CNTN6: variants seen among roughly 807,000 people sequenced by gnomAD.
The protein encoded by CNTN6 is contactin-6.
Under a neutral mutation model 122.8 loss-of-function variants are expected in CNTN6, and 137 were observed. The ratio of observed to expected loss-of-function variants is 1.12; its 90% CI spans 0.97 to 1.29. The LOEUF is 1.29. Among genes scored for constraint, CNTN6 ranks in the 50% most tolerant of loss-of-function variants. The pLI, the probability that CNTN6 is intolerant of heterozygous loss-of-function variation, is 0.00. For synonymous variants in CNTN6, 570 were observed against 426.0 expected (o/e 1.34, Z -4.16); for missense variants, 1,634 against 1,223.4 (o/e 1.34, Z -5.01).
At chr3:1,133,636 C>T (rs1003249771) in intron 1 of CNTN6, among the ~76,000 whole-genome samples, 1 of 148,854 alleles carries the variant, frequency 6.7e-6, no homozygotes, top group Non-Finnish European at 1.5e-5. Flanking sequence ...CAGTCAGTGA[C>T]TTTATTTTCT....
chr3:1,295,741 A>G lies in CNTN6; in HGVS notation c.595A>G (p.Thr199Ala). The change falls in exon 6 of 23, where the codon ACT (threonine) becomes GCT (alanine). Residue 199 changes from threonine to alanine, a missense_variant. Thr to Ala is a moderately conservative substitution (Grantham distance 58). Coordinates refer to ENST00000446702, the MANE Select transcript of CNTN6 (RefSeq NM_001289080.2). ...TGTGGGCAACTACACTTGCTTTATAACTAACAAAGAGGCCCAGAGAAGTGT... is the reference window on the plus strand; with the variant it reads ...TGTGGGCAACTACACTTGCTTTATAGCTAACAAAGAGGCCCAGAGAAGTGT... Reference protein sequence around the residue: ...SDVGNYTCFITNKEAQRSVQG... With the variant: ...SDVGNYTCFIANKEAQRSVQG... 1 of 1,614,082 alleles carries G rather than the reference A, an allele frequency of 6.2e-7. No individual in the cohort carries two copies. The highest frequency in any genetic ancestry group is 8.5e-7 in the Non-Finnish European group (1 of 1,179,940).
intron 17 of CNTN6, among the ~76,000 whole-genome samples, chr3:1,377,560 AT>A (rs1196423997): frequency 5.9e-5 from 9 of 152,116 alleles, no homozygotes; most frequent in African/African-American, 2.2e-4. Context: ...ATACAGGCTC[AT>A]TTTTTTACCT....
At position 1,295,818 on chromosome 3, in the gene CNTN6, T is replaced by A; in HGVS notation, c.658+14T>A. On this transcript the variant is annotated intron_variant, in intron 6 of 22. Transcript: ENST00000446702. ...AGCGCACTGATGGTAAGATAATGAG[T>A]TATCTTGGGAATGTACTTTATCTTT... 6.2e-7 allele frequency: 1 copy of A among 1,605,966 alleles called. No homozygotes were observed. Among genetic ancestry groups the A allele is most frequent in the Non-Finnish European group, 8.5e-7 (1 of 1,173,078 alleles).
chr3:1,401,266 A>G, intron 20 of CNTN6, 167 bp from the exon 21 acceptor site: 1 of 576,146 alleles, frequency 1.7e-6, no homozygotes, highest in Non-Finnish European at 3.1e-6. Context: ...ATTTGAATAA[A>G]TTTGCTTACT....
chr3:1,265,044 CTTTTT>C (rs201949693), intron 4 of CNTN6, among the ~76,000 whole-genome samples: 2 of 100,774 alleles, frequency 2.0e-5, no homozygotes, highest in Admixed American at 1.2e-4. Flanking sequence ...ACCGAATTTC[CTTTTT>C]TTTTTTTTTT....
chr3:1,200,162 T>C (rs1186687932), intron 2 of CNTN6, among the ~76,000 whole-genome samples: 2 of 152,114 alleles, frequency 1.3e-5, no homozygotes, highest in Non-Finnish European at 2.9e-5. Context: ...GTCTCATGAG[T>C]AGGTGGGATT....
At chr3:1,235,622 A>G (rs1350997746) in intron 4 of CNTN6, among the ~76,000 whole-genome samples, 3 of 152,260 alleles carry the variant, frequency 2.0e-5, no homozygotes, top group African/African-American at 7.2e-5. Flanking sequence ...TCCTGCTGGG[A>G]GGGATAGAGC....
chr3:1,223,234 G>T lies in CNTN6; in HGVS notation c.182+2421G>T, dbSNP rs112643750. Reference sequence around the variant, plus strand: ...AACATAAAAGAATCCTTGACTTAAAGTTATCATTTCTAGTCACAGCTCTAT... The same window carrying T: ...AACATAAAAGAATCCTTGACTTAAATTTATCATTTCTAGTCACAGCTCTAT... On this transcript the variant is annotated intron_variant, in intron 3 of 22. Transcript: ENST00000446702. 7.9e-3 allele frequency among the ~76,000 whole-genome samples: 1,204 copies of T among 152,256 alleles called. 3 individuals carry two copies. The highest frequency in any genetic ancestry group is 0.012 in the Non-Finnish European group (833 of 68,016).
chr3:1,327,775 G>A (rs1701746111), intron 10 of CNTN6, among the ~76,000 whole-genome samples, 189 bp downstream of exon 10: 1 of 151,638 alleles, frequency 6.6e-6, no homozygotes, highest in Non-Finnish European at 1.5e-5. Context: ...ATGCACTGGG[G>A]CTTCAGAAAA....
intron 4 of CNTN6, among the ~76,000 whole-genome samples, chr3:1,270,030 A>G (rs1280154854): frequency 2.0e-5 from 3 of 152,126 alleles, no homozygotes; most frequent in East Asian, 1.9e-4. Context: ...AGATTTAGCT[A>G]TTGCCTCTTT....
At chr3:1,292,300 A>C (rs1356563249) in intron 5 of CNTN6, among the ~76,000 whole-genome samples, 2 of 152,156 alleles carry the variant, frequency 1.3e-5, no homozygotes, top group African/African-American at 4.8e-5. Flanking sequence ...ATATGCTTCC[A>C]GAATCTTTTT....
chr3:1,402,716 A>G (rs958136579), intron 22 of CNTN6: 1 of 396,528 alleles, frequency 2.5e-6, no homozygotes, highest in Admixed American at 4.0e-5. Flanking sequence ...AGAACAGGAA[A>G]AAAAATCTTT....
chr3:1,367,057 T>C (rs1708333221), intron 12 of CNTN6, among the ~76,000 whole-genome samples: 1 of 152,214 alleles, frequency 6.6e-6, no homozygotes. Context: ...TTTTGTTTTA[T>C]GTATTTGTGG....
chr3:1,146,739 GAAAC>G (rs547054790), intron 1 of CNTN6, among the ~76,000 whole-genome samples: 7 of 151,704 alleles, frequency 4.6e-5, no homozygotes, highest in Admixed American at 1.3e-4. Flanking sequence ...ATTATATAAA[GAAAC>G]AAACAAATAA....
At chr3:1,138,517 G>A (rs982787013) in intron 1 of CNTN6, among the ~76,000 whole-genome samples, 5 of 151,868 alleles carry the variant, frequency 3.3e-5, no homozygotes, top group African/African-American at 7.3e-5. Flanking sequence ...ATACTGATCT[G>A]TTTTGTTTTT....
intron 2 of CNTN6, among the ~76,000 whole-genome samples, chr3:1,157,768 T>A (rs2093008827): frequency 1.3e-5 from 2 of 152,182 alleles, no homozygotes; most frequent in Non-Finnish European, 2.9e-5. Flanking sequence ...TGTCTTTCTG[T>A]GCCTGACTTA....
intron 1 of CNTN6, among the ~76,000 whole-genome samples, chr3:1,115,725 A>G (rs1251697498): frequency 1.3e-5 from 2 of 152,256 alleles, no homozygotes; most frequent in South Asian, 4.1e-4. Flanking sequence ...GCACTCCCAC[A>G]TGGGCAACAG....
chr3:1,399,626 G>C (rs1695421670), intron 20 of CNTN6, among the ~76,000 whole-genome samples: 1 of 152,022 alleles, frequency 6.6e-6, no homozygotes, highest in Non-Finnish European at 1.5e-5. Context: ...TGGCTGTATT[G>C]TGTCACCTAT....
In CNTN6 at chr3:1,270,037, C is replaced by G. The variant is rs144322678; in HGVS notation, c.359-8376C>G. On this transcript the variant is annotated intron_variant, in intron 4 of 22. Transcript: ENST00000446702. ...CAGTTCTAAGATTTAGCTATTGCCTCTTTTACAGCGTTTGACAATAACATT... is the reference window on the plus strand; with the variant it reads ...CAGTTCTAAGATTTAGCTATTGCCTGTTTTACAGCGTTTGACAATAACATT... 3.2e-3 allele frequency among the ~76,000 whole-genome samples: 488 copies of G among 152,252 alleles called. 8 individuals carry two copies. Among genetic ancestry groups the G allele is most frequent in the Admixed American group, 0.03 (466 of 15,288 alleles).
Sources: allele counts gnomAD v4.1 joint callset (sites outside exome capture counted in the v4.1 genomes callset), GRCh38; gene constraint gnomAD v4.1.1; transcripts MANE v1.5; gene names NCBI Gene and HGNC (gene_info 2026-07-23, HGNC 2026-07-21).